The following CEP170B variants were observed in gnomAD, a reference collection of about 807,000 sequenced individuals.
CEP170B encodes centrosomal protein of 170 kDa protein B.
In CEP170B, 55 loss-of-function variants were observed where a neutral mutation model predicts 120.6. That is an observed-to-expected ratio of 0.46 (90% CI 0.37 to 0.57). The LOEUF (loss-of-function observed/expected upper bound fraction) is 0.57. Among genes scored for constraint, CEP170B ranks in the 20% least tolerant of loss-of-function variants. The probability of loss-of-function intolerance (pLI) is 0.00; values close to 1 mark genes in which losing one functional copy is unlikely to be tolerated. For synonymous variants in CEP170B, 1,033 were observed against 954.5 expected (o/e 1.08, Z -1.52); for missense variants, 2,212 against 2,253.3 (o/e 0.98, Z 0.37).
chr14:104,889,706 C>A lies in CEP170B; in HGVS notation c.3826C>A (p.Pro1276Thr). 6.2e-7 allele frequency: 1 copy of A among 1,611,738 alleles called. No individual in the cohort carries two copies. The highest frequency in any genetic ancestry group is 8.5e-7 in the Non-Finnish European group (1 of 1,179,390). The change falls in exon 13 of 19, where the codon CCT (proline) becomes ACT (threonine). Residue 1276 changes from proline (P) to threonine (T), a missense_variant. Pro to Thr is a conservative substitution (Grantham distance 38). Transcript: ENST00000414716. ...PRDTDDDEEE[P>T]DPYGFIVQTA... Reference sequence around the variant, plus strand: ...GGACACGGACGACGATGAGGAGGAGCCTGACCCTTATGGTTTCATCGTGCA... The same window carrying A: ...GGACACGGACGACGATGAGGAGGAGACTGACCCTTATGGTTTCATCGTGCA...
At chr14:104,875,460 G>A (rs1895788637) in intron 2 of CEP170B, among the ~76,000 whole-genome samples, 1 of 152,152 alleles carries the variant, frequency 6.6e-6, no homozygotes, top group Non-Finnish European at 1.5e-5. Flanking sequence ...CAGGAGGGAT[G>A]GAGCCACCAC....
intron 1 of CEP170B, among the ~76,000 whole-genome samples, chr14:104,866,227 G>A (rs1895198171): frequency 6.6e-6 from 1 of 152,252 alleles, no homozygotes; most frequent in Non-Finnish European, 1.5e-5. Context: ...TGGGTGGCCT[G>A]GCTCTGGCAC....
intron 2 of CEP170B, among the ~76,000 whole-genome samples, chr14:104,872,713 G>A (rs893051902): frequency 6.6e-6 from 1 of 152,106 alleles, no homozygotes; most frequent in East Asian, 1.9e-4. Context: ...GGTCTGCTGC[G>A]GGTGCCTGTG....
intron 16 of CEP170B, 55 bp downstream of exon 16, chr14:104,893,904 G>A (rs1412221063): frequency 1.5e-5 from 22 of 1,510,006 alleles, no homozygotes; most frequent in Non-Finnish European, 2.0e-5. Context: ...AGCTGCATGA[G>A]CTGAGACTCA....
intron 18 of CEP170B, 22 bp downstream of exon 18, chr14:104,894,610 G>A (rs61996017): frequency 0.012 from 18,605 of 1,608,082 alleles, 160 homozygotes; most frequent in Non-Finnish European, 0.013. Context: ...CCAAGCCTGG[G>A]GCAGCAAGGG....
Position 104,865,383 on chromosome 14 carries a change from G to A in CEP170B, c.-158G>A. ...ATGTCCTAGGCGGCGGCCCCGCCCAGCGCTCGGCCGGGCGGGCGGGCGGGC... is the reference window on the plus strand; with the variant it reads ...ATGTCCTAGGCGGCGGCCCCGCCCAACGCTCGGCCGGGCGGGCGGGCGGGC... On this transcript the variant is annotated 5_prime_UTR_variant, in exon 1 of 19. Transcript: ENST00000414716. The surrounding 1 kb of genome is among the most constrained non-coding windows in gnomAD (Gnocchi z 6.7). 1 of 146,548 alleles carries A rather than the reference G, an allele frequency of 6.8e-6. No homozygotes were observed. Among genetic ancestry groups the A allele is most frequent in the Non-Finnish European group, 1.5e-5 (1 of 66,254 alleles). The allele number at this position is 146,548 out of a possible 1,614,324, so 9.1% of individuals were successfully genotyped here. A position where few individuals can be genotyped will look rare whatever the true frequency, so the allele number is the denominator to read the frequency against.
chr14:104,884,418 C>A lies in CEP170B; in HGVS notation c.1639C>A (p.Pro547Thr), dbSNP rs1029720652. ...GGGCCCCCCGACCCCACCGCCCGCC[C>A]CCACGGACCCCCAGCTGACCAAGGC... is the stretch of plus-strand genomic sequence containing the variant. ...PVGPPTPPPAPTDPQLTKARK... is the reference protein window; with the variant it reads ...PVGPPTPPPATTDPQLTKARK... The change falls in exon 9 of 19, where the codon CCC becomes ACC. Residue 547 changes from proline to threonine, a missense_variant. Coordinates refer to ENST00000414716, the MANE Select transcript of CEP170B (RefSeq NM_001112726.3). 3 of 1,549,094 alleles carry A rather than the reference C, an allele frequency of 1.9e-6. No homozygotes were observed. The highest frequency in any genetic ancestry group is 2.6e-6 in the Non-Finnish European group (3 of 1,146,704).
chr14:104,886,868 C>A lies in CEP170B; in HGVS notation c.2629C>A (p.Pro877Thr). Residue 877 changes from proline to threonine, a missense_variant, in exon 12 of 19, where the codon CCC becomes ACC. Coordinates refer to ENST00000414716, the MANE Select transcript of CEP170B (RefSeq NM_001112726.3). The stretch of plus-strand genomic sequence containing the variant: ...CTTCACTAAGGAGCCAGCCAGTGGT[C>A]CCCCAGCGCCCGGCAAGCCCCCCCA... ...ESFTKEPASG[P>T]PAPGKPPHIS... 6.2e-7 allele frequency: 1 copy of A among 1,610,566 alleles called. No homozygotes were observed. Among genetic ancestry groups the A allele is most frequent in the Non-Finnish European group, 8.5e-7 (1 of 1,179,800 alleles).
At chr14:104,893,879 C>G (rs761457257) in intron 16 of CEP170B, 30 bp downstream of exon 16, 4 of 1,585,128 alleles carry the variant, frequency 2.5e-6, no homozygotes, top group Non-Finnish European at 3.4e-6. Context: ...GAGGTGGACG[C>G]CCAGACACCA....
Position 104,866,201 on chromosome 14 carries a change from T to C in CEP170B, c.-28+688T>C, listed in dbSNP as rs569825100. On this transcript the variant is annotated intron_variant, in intron 1 of 18. Transcript: ENST00000414716. ...CGCGGGCTCCCAGGCCTTTTCAGGG[T>C]GGGCGGCCGGGGCAGTGGGTGGCCT... Among the ~76,000 whole-genome samples, 42 of 152,116 alleles carry C rather than the reference T, an allele frequency of 2.8e-4. No homozygotes were observed. The East Asian group carries it at 8.1e-3, about 29-fold the overall frequency.
intron 4 of CEP170B, among the ~76,000 whole-genome samples, 154 bp from the exon 5 acceptor site, chr14:104,878,289 A>G (rs866831250): frequency 6.6e-6 from 1 of 152,190 alleles, no homozygotes; most frequent in African/African-American, 2.4e-5. Flanking sequence ...GTCTGAGCAC[A>G]TGGGTGGGCA....
intron 10 of CEP170B, 91 bp from the exon 11 acceptor site, chr14:104,885,949 G>C (rs1457705370): frequency 8.5e-7 from 1 of 1,177,864 alleles, no homozygotes; most frequent in African/African-American, 1.5e-5. Flanking sequence ...GCTGGTGTTG[G>C]CTGCTCTGGA....
intron 12 of CEP170B, 48 bp downstream of exon 12, chr14:104,888,026 G>A: frequency 4.9e-6 from 7 of 1,441,426 alleles, no homozygotes; most frequent in Non-Finnish European, 6.4e-6. Flanking sequence ...AGGGCTGCCA[G>A]TGGGTCTGCA....
At chr14:104,888,013 G>A (rs993860226) in intron 12 of CEP170B, 35 bp downstream of exon 12, 2 of 1,453,548 alleles carry the variant, frequency 1.4e-6, no homozygotes, top group South Asian at 2.8e-5. Flanking sequence ...CCAGGGCCAA[G>A]ACAGGGCTGC....
chr14:104,883,544 A>G, intron 8 of CEP170B, 36 bp downstream of exon 8: 1 of 1,502,940 alleles, frequency 6.7e-7, no homozygotes, highest in South Asian at 1.3e-5. Flanking sequence ...CAGTCCCGGG[A>G]CAGGCAGGGG....
In CEP170B at chr14:104,883,483, G is replaced by A. The variant is rs1896272913; in HGVS notation, c.1026G>A (p.Leu342=). Residue 342 remains leucine, a synonymous_variant, in exon 8 of 19, where the codon CTG becomes CTA. Transcript: ENST00000414716. ...ACCGCCACAGCACCAAGAGCGACCTGCCTGTCCACACCCGCACCCTGAAGG... is the reference window on the plus strand; with the variant it reads ...ACCGCCACAGCACCAAGAGCGACCTACCTGTCCACACCCGCACCCTGAAGG... ...GDDRHSTKSD[L]PVHTRTLKGH... 1 of 1,553,032 alleles carries A rather than the reference G, an allele frequency of 6.4e-7. No individual in the cohort carries two copies. The highest frequency in any genetic ancestry group is 8.7e-7 in the Non-Finnish European group (1 of 1,148,730).
rs556690357 is a variant in CEP170B, at chr14:104,887,598, C to T, written c.3359C>T (p.Pro1120Leu). The T allele has an allele frequency of 6.3e-7, 1 of 1,585,048 alleles. No homozygotes were observed. Among genetic ancestry groups the T allele is most frequent in the South Asian group, 1.1e-5 (1 of 87,778 alleles). Residue 1120 changes from proline (P) to leucine (L), a missense_variant, in exon 12 of 19, where the codon CCC (proline) becomes CTC (leucine). Physicochemically the swap from Pro to Leu is moderately conservative, Grantham distance 98. Coordinates refer to ENST00000414716, the MANE Select transcript of CEP170B (RefSeq NM_001112726.3). ...TRSNSLSTPR[P>L]TRASRLRRAR... The stretch of plus-strand genomic sequence containing the variant: ...TCCAACAGCCTGTCCACCCCTCGCC[C>T]CACACGGGCCTCCCGGCTGAGGCGG...
chr14:104,877,836 A>ACCCCCCCCCGCCCCCCCCCCCCC, intron 3 of CEP170B, 49 bp from the exon 4 acceptor site: 1 of 237,070 alleles, frequency 4.2e-6, no homozygotes, highest in Non-Finnish European at 6.7e-6. Context: ...GCCCACAGCC[A>ACCCCCCCCCGCCCCCCCCCCCCC]CCCACCCGCG....
Position 104,887,468 on chromosome 14 carries a change from G to T in CEP170B, c.3229G>T (p.Gly1077Cys), listed in dbSNP as rs772779201. 1.2e-6 allele frequency: 2 copies of T among 1,611,870 alleles called. No individual in the cohort carries two copies. The highest frequency in any genetic ancestry group is 4.5e-5 in the East Asian group (2 of 44,866). Residue 1077 changes from glycine to cysteine, a missense_variant, in exon 12 of 19, where the codon GGT becomes TGT. Gly to Cys is a radical substitution (Grantham distance 159). Transcript: ENST00000414716. ...TGAGGCCACCGGGGCAGGACGGCTAGGTTCTCGCCGGAAACCAGCGGCCCC... is the reference window on the plus strand; with the variant it reads ...TGAGGCCACCGGGGCAGGACGGCTATGTTCTCGCCGGAAACCAGCGGCCCC... ...TPEATGAGRLGSRRKPAAPPP... is the reference protein window; with the variant it reads ...TPEATGAGRLCSRRKPAAPPP...
Sources: gnomAD v4.1 joint callset for allele counts (sites outside exome capture counted in the v4.1 genomes callset) on GRCh38, gnomAD v4.1.1 for gene constraint, Gnocchi (gnomAD v3.1) non-coding constraint, MANE v1.5 for transcripts, NCBI Gene and HGNC (gene_info 2026-07-23, HGNC 2026-07-21) for gene names.